The following SLC22A2 variants were observed in gnomAD, a reference collection of about 807,000 sequenced individuals.
The protein encoded by SLC22A2 is organic cation transporter 2.
A neutral mutation model predicts 60.5 loss-of-function variants in SLC22A2; 46 were observed. The ratio of observed to expected loss-of-function variants is 0.76; its 90% CI spans 0.60 to 0.97. The LOEUF (loss-of-function observed/expected upper bound fraction) is 0.97, where lower values mean the gene tolerates loss of function less well. Among genes scored for constraint, SLC22A2 ranks in the 50% least tolerant of loss-of-function variants. The pLI is 0.00. For synonymous variants in SLC22A2, 303 were observed against 267.0 expected (o/e 1.13, Z -1.31); for missense variants, 701 against 706.6 (o/e 0.99, Z 0.09).
At position 160,250,614 on chromosome 6, in the gene SLC22A2, T is replaced by A; in HGVS notation, c.607A>T (p.Met203Leu). Residue 203 changes from methionine (M) to leucine (L), a missense_variant, in exon 3 of 11, where the codon ATG (methionine) becomes TTG (leucine). Physicochemically the swap from Met to Leu is conservative, Grantham distance 15. Coordinates refer to ENST00000366953, the MANE Select transcript of SLC22A2 (RefSeq NM_003058.4). ...LMAISPTYTW[M>L]LIFRLIQGLV... ...CCTTGGATTAAGCGAAAAATTAACATCCACGTATAGGTTGGGGAAATGGCC... is the reference window on the plus strand; with the variant it reads ...CCTTGGATTAAGCGAAAAATTAACAACCACGTATAGGTTGGGGAAATGGCC... 6.2e-7 allele frequency: 1 copy of A among 1,613,970 alleles called. No homozygotes were observed. Among genetic ancestry groups the A allele is most frequent in the Non-Finnish European group, 8.5e-7 (1 of 1,179,950 alleles).
intron 3 of SLC22A2, among the ~76,000 whole-genome samples, chr6:160,250,088 A>C (rs1783158429): frequency 1.3e-5 from 2 of 152,242 alleles, no homozygotes; most frequent in South Asian, 4.1e-4. Context: ...TGGCTGGCTG[A>C]GTAACCTAGG....
intron 2 of SLC22A2, among the ~76,000 whole-genome samples, chr6:160,251,450 G>A (rs554099131): frequency 1.3e-5 from 2 of 152,260 alleles, no homozygotes; most frequent in South Asian, 2.1e-4. Flanking sequence ...ATCTGACCCA[G>A]CTGAAAAGAG....
intron 10 of SLC22A2, among the ~76,000 whole-genome samples, chr6:160,220,813 T>C (rs1358343727): frequency 6.6e-6 from 1 of 152,130 alleles, no homozygotes; most frequent in Non-Finnish European, 1.5e-5. Flanking sequence ...AAGCAGTAGG[T>C]CTAAACGGCG....
In SLC22A2 at chr6:160,241,372, G is replaced by C. The variant is rs974244849; in HGVS notation, c.1501+102C>G. 4.2e-6 allele frequency: 3 copies of C among 706,958 alleles called. No individual in the cohort carries two copies. In the African/African-American group the frequency reaches 5.3e-5, roughly 12 times the overall value. The allele number at this position is 706,958 out of a possible 1,614,324, so 43.8% of individuals were successfully genotyped here. A position where few individuals can be genotyped will look rare whatever the true frequency, so the allele number is the denominator to read the frequency against. Reference sequence around the variant, plus strand: ...TTACTACTATGAGTAGTAATTAGTAGTTACTAATAGGCATGACACCTGTTT... The same window carrying C: ...TTACTACTATGAGTAGTAATTAGTACTTACTAATAGGCATGACACCTGTTT... On this transcript the variant is annotated intron_variant, in intron 9 of 10. Transcript: ENST00000366953.
intron 2 of SLC22A2, among the ~76,000 whole-genome samples, chr6:160,251,479 A>G (rs1221018056): frequency 3.3e-5 from 5 of 152,146 alleles, no homozygotes; most frequent in African/African-American, 1.2e-4. Context: ...GAGATATTAG[A>G]GGTAAGGAGC....
Position 160,247,199 on chromosome 6 carries a change from T to C in SLC22A2, c.942A>G (p.Leu314=), listed in dbSNP as rs766935722. ...KHIAKKNGKS[L]PASLQRLRLE... ...CCTGGCTCACCTGAAGGGAGGCGGG[T>C]AGAGATTTTCCATTTTTCTTTGCGA... is the stretch of plus-strand genomic sequence containing the variant. Residue 314 remains leucine, a synonymous_variant, in exon 5 of 11, where the codon CTA becomes CTG. Transcript: ENST00000366953. 2 of 1,597,588 alleles carry C rather than the reference T, an allele frequency of 1.3e-6. No homozygotes were observed. The highest frequency in any genetic ancestry group is 1.7e-5 in the Admixed American group (1 of 59,672).
At chr6:160,228,122 C>T (rs1162852361) in intron 9 of SLC22A2, among the ~76,000 whole-genome samples, 3 of 152,208 alleles carry the variant, frequency 2.0e-5, no homozygotes, top group Non-Finnish European at 4.4e-5. Flanking sequence ...GTTGCTTTCA[C>T]ATTATTCTAT....
At position 160,217,363 on chromosome 6, in the gene SLC22A2, G is replaced by A; in HGVS notation, c.*69C>T. 1.0e-6 allele frequency: 1 copy of A among 983,408 alleles called. No individual in the cohort carries two copies. 60.9% of individuals were successfully genotyped at this position (983,408 alleles called of 1,614,324 possible). ...GAGTTGTATGGGCTTTGTGATGAGT[G>A]CAGGGATTTCTACTTTTGGTCTTGC... On this transcript the variant is annotated 3_prime_UTR_variant, in exon 11 of 11. Coordinates refer to ENST00000366953, the MANE Select transcript of SLC22A2 (RefSeq NM_003058.4).
chr6:160,229,025 G>A (rs1782774337), intron 9 of SLC22A2, among the ~76,000 whole-genome samples: 1 of 151,858 alleles, frequency 6.6e-6, no homozygotes, highest in Non-Finnish European at 1.5e-5. Context: ...CCTGTTTGGT[G>A]GTCTCTTCAC....
At chr6:160,250,355 A>AT (rs986816823) in intron 3 of SLC22A2, 193 bp downstream of exon 3, 1 of 598,388 alleles carries the variant, frequency 1.7e-6, no homozygotes, top group Non-Finnish European at 2.9e-6. Flanking sequence ...TTCTGCCTTC[A>AT]TTTTTTTAGT....
chr6:160,228,250 C>A (rs1031528891), intron 9 of SLC22A2, among the ~76,000 whole-genome samples: 1 of 152,154 alleles, frequency 6.6e-6, no homozygotes, highest in Non-Finnish European at 1.5e-5. Context: ...ACTGAGGAGA[C>A]CTCCCCTCCG....
intron 10 of SLC22A2, among the ~76,000 whole-genome samples, chr6:160,219,827 A>G (rs766892406): frequency 1.3e-5 from 2 of 152,188 alleles, no homozygotes; most frequent in Non-Finnish European, 2.9e-5. Context: ...AGTCTATTAA[A>G]TGTGCAATAT....
At position 160,258,334 on chromosome 6, in the gene SLC22A2, A is replaced by C. The variant is rs1583403449; in HGVS notation, c.414+10T>G. ...GCTTCTCCATCTGAGCCCTGAGCTC[A>C]CTCTCTTACCTCGGTGACGATGGAC... On this transcript the variant is annotated intron_variant, in intron 1 of 10. Coordinates refer to ENST00000366953, the MANE Select transcript of SLC22A2 (RefSeq NM_003058.4). The C allele has an allele frequency of 6.3e-7, 1 of 1,591,154 alleles. No individual in the cohort carries two copies. Among genetic ancestry groups the C allele is most frequent in the Non-Finnish European group, 8.6e-7 (1 of 1,169,368 alleles).
intron 2 of SLC22A2, among the ~76,000 whole-genome samples, chr6:160,253,985 A>G (rs1348073587): frequency 1.3e-5 from 2 of 152,216 alleles, no homozygotes; most frequent in Admixed American, 1.3e-4. Context: ...CACAGTAAAT[A>G]TAGCACTTAT....
chr6:160,238,172 C>G, intron 9 of SLC22A2, among the ~76,000 whole-genome samples: 1 of 152,220 alleles, frequency 6.6e-6, no homozygotes, highest in Non-Finnish European at 1.5e-5. Context: ...GTGTGAGATC[C>G]AAGAACCCTC....
Position 160,240,812 on chromosome 6 carries a change from C to G in SLC22A2, c.1501+662G>C, listed in dbSNP as rs117755182. ...CAGCTCAGAATGGGTGTCAAAGGAG[C>G]CTGAAATGGGTGCATTGAGGTGTTC... On this transcript the variant is annotated intron_variant, in intron 9 of 10. Transcript: ENST00000366953. Among the ~76,000 whole-genome samples, 557 of 152,204 alleles carry G rather than the reference C, an allele frequency of 3.7e-3. 21 individuals are homozygous for G. In the East Asian group the frequency reaches 0.09, roughly 25 times the overall value.
In SLC22A2 at chr6:160,250,423, A is replaced by C. The variant is rs575096223; in HGVS notation, c.673+125T>G. The C allele has an allele frequency of 6.1e-5, 53 of 872,862 alleles. No individual in the cohort carries two copies. In the African/African-American group the frequency reaches 8.4e-4, roughly 14 times the overall value. The allele number at this position is 872,862 out of a possible 1,614,324, so 54.1% of individuals were successfully genotyped here. A position where few individuals can be genotyped will look rare whatever the true frequency, so the allele number is the denominator to read the frequency against. ...CTTTTAGGAATTCTTTTGATACAGA[A>C]ATAAAAAAATCTCTCAATATTGTCT... On this transcript the variant is annotated intron_variant, in intron 3 of 10. Transcript: ENST00000366953.
chr6:160,241,178 TTCTTC>T (rs1367535351), intron 9 of SLC22A2, among the ~76,000 whole-genome samples: 2 of 152,176 alleles, frequency 1.3e-5, no homozygotes, highest in African/African-American at 4.8e-5. Flanking sequence ...TTCCTTCTCA[TTCTTC>T]TCTTCAACAT....
At chr6:160,250,454 C>A in intron 3 of SLC22A2, 94 bp downstream of exon 3, 1 of 1,133,464 alleles carries the variant, frequency 8.8e-7, no homozygotes. Flanking sequence ...TGTCTTGAAG[C>A]TGGGTCCCTT....
Sources: gnomAD v4.1 joint callset for allele counts (sites outside exome capture counted in the v4.1 genomes callset) on GRCh38, gnomAD v4.1.1 for gene constraint, MANE v1.5 for transcripts, NCBI Gene and HGNC (gene_info 2026-07-23, HGNC 2026-07-21) for gene names.